Variants in ROBO2 observed in about 807,000 individuals in gnomAD.
ROBO2 encodes roundabout homolog 2.
ROBO2 carries 53 observed loss-of-function variants against 160.8 expected under a neutral mutation model. The observed-to-expected ratio is 0.33, with a 90% confidence interval of 0.26 to 0.41. ROBO2 has a LOEUF of 0.41. Ranked by LOEUF, ROBO2 falls within the 10% of genes least tolerant of loss-of-function variation. The probability of loss-of-function intolerance (pLI) is 1.00; values close to 1 mark genes in which losing one functional copy is unlikely to be tolerated. For synonymous variants in ROBO2, 664 were observed against 611.7 expected, an observed-to-expected ratio of 1.09 and a Z score of -1.26; for missense variants, 1,577 against 1,722.4, an observed-to-expected ratio of 0.92 and a Z score of 1.49.
At chr3:76,617,703 G>C (rs2088706679) in intron 2 of ROBO2, among the ~76,000 whole-genome samples, 1 of 152,040 alleles carries the variant, frequency 6.6e-6, no homozygotes. Flanking sequence ...TAGACCACCT[G>C]TATTAGTCTG....
At chr3:77,104,690 T>C (rs551340269) in intron 2 of ROBO2, among the ~76,000 whole-genome samples, 1 of 152,150 alleles carries the variant, frequency 6.6e-6, no homozygotes, top group African/African-American at 2.4e-5. Flanking sequence ...TATTTACTGG[T>C]GCATTGAAGT....
At chr3:76,602,926 C>T (rs1279296986) in intron 2 of ROBO2, among the ~76,000 whole-genome samples, 1 of 152,208 alleles carries the variant, frequency 6.6e-6, no homozygotes, top group East Asian at 1.9e-4. Context: ...ATTAAAGAGA[C>T]ATTTTTCCTC....
chr3:76,779,515 C>T (rs1172187432), intron 2 of ROBO2, among the ~76,000 whole-genome samples: 1 of 150,874 alleles, frequency 6.6e-6, no homozygotes, highest in Admixed American at 6.6e-5. Flanking sequence ...TTTTTCCCTC[C>T]CCAAGCACCT....
intron 2 of ROBO2, among the ~76,000 whole-genome samples, chr3:76,349,423 CAAG>C (rs1023623983): frequency 6.6e-6 from 1 of 152,030 alleles, no homozygotes; most frequent in African/African-American, 2.4e-5. Flanking sequence ...TCCTAAGACA[CAAG>C]AAGAACACCA....
intron 2 of ROBO2, among the ~76,000 whole-genome samples, chr3:77,466,533 T>C (rs1008870175): frequency 6.6e-6 from 1 of 152,132 alleles, no homozygotes; most frequent in Non-Finnish European, 1.5e-5. Flanking sequence ...CAAAATGTGT[T>C]GTTAAAATAG....
intron 1 of ROBO2, among the ~76,000 whole-genome samples, chr3:77,049,429 A>C (rs1371197350): frequency 6.6e-6 from 1 of 152,200 alleles, no homozygotes; most frequent in East Asian, 1.9e-4. Flanking sequence ...TGCATGTAGC[A>C]TATCTGTGTT....
intron 2 of ROBO2, among the ~76,000 whole-genome samples, chr3:76,569,819 A>G (rs534009014): frequency 6.6e-6 from 1 of 152,302 alleles, no homozygotes; most frequent in Non-Finnish European, 1.5e-5. Flanking sequence ...AAGGACCCAG[A>G]ACAGCATTGA....
intron 2 of ROBO2, among the ~76,000 whole-genome samples, chr3:76,901,842 T>C (rs1038923258): frequency 6.6e-6 from 1 of 151,932 alleles, no homozygotes. Flanking sequence ...TTAGTACAAA[T>C]TTTTATTTTT....
intron 2 of ROBO2, among the ~76,000 whole-genome samples, chr3:76,728,593 T>C (rs2093587656): frequency 6.6e-6 from 1 of 152,188 alleles, no homozygotes. Flanking sequence ...AGAACCATGA[T>C]GCTAAAAACT....
rs758363199 is a variant in ROBO2 at position 77,602,269 on chromosome 3, G to A, written c.2914G>A (p.Ala972Thr). The A allele has an allele frequency of 6.2e-7, 1 of 1,614,150 alleles. No individual in the cohort carries two copies. The highest frequency in any genetic ancestry group is 8.5e-7 in the Non-Finnish European group (1 of 1,180,022). ...AACAGCAACGATGCTCTCAGATGGA[G>A]CCATTTATAGTAGCATTGACTTCAC... The change falls in exon 20 of 26, where the codon GCC (alanine) becomes ACC (threonine). Residue 972 changes from alanine to threonine, a missense_variant. Ala to Thr is a moderately conservative substitution (Grantham distance 58). This residue lies in a region of ROBO2 where 637 missense variants were observed against 586.9 expected (regional missense o/e 1.09). Transcript: ENST00000461745.
intron 2 of ROBO2, among the ~76,000 whole-genome samples, chr3:76,519,630 A>G (rs3849502): frequency 0.64 from 97,801 of 151,940 alleles, 31,721 homozygotes; most frequent in African/African-American, 0.71. Context: ...TCACTTTTGT[A>G]TACCCGGGGA....
chr3:77,353,822 G>A (rs7637808), intron 2 of ROBO2, among the ~76,000 whole-genome samples: 47,504 of 145,442 alleles, frequency 0.33, 7,888 homozygotes, highest in Non-Finnish European at 0.38. Flanking sequence ...GGAACCTTTA[G>A]AAAAAAAATT....
intron 2 of ROBO2, among the ~76,000 whole-genome samples, chr3:76,901,120 TG>T (rs1395152142): frequency 6.6e-6 from 1 of 152,100 alleles, no homozygotes. Flanking sequence ...GTGCCAAGTA[TG>T]AGGGTTAGTA....
intron 2 of ROBO2, among the ~76,000 whole-genome samples, chr3:75,946,424 T>C (rs555820102): frequency 1.8e-4 from 28 of 152,014 alleles, no homozygotes; most frequent in African/African-American, 6.8e-4. Flanking sequence ...TATACTGTAG[T>C]GAGGAGGGAA....
At chr3:77,210,999 T>C (rs2084067790) in intron 2 of ROBO2, among the ~76,000 whole-genome samples, 1 of 152,190 alleles carries the variant, frequency 6.6e-6, no homozygotes, top group South Asian at 2.1e-4. Flanking sequence ...TGTTGGACAT[T>C]TGGGTTGGTT....
At chr3:77,292,614 A>G (rs1350065417) in intron 2 of ROBO2, among the ~76,000 whole-genome samples, 5 of 151,576 alleles carry the variant, frequency 3.3e-5, no homozygotes, top group African/African-American at 9.7e-5. Context: ...GACATAAAGT[A>G]AAATTGATGG....
At chr3:76,653,645 C>T (rs1028598388) in intron 2 of ROBO2, among the ~76,000 whole-genome samples, 6 of 151,810 alleles carry the variant, frequency 4.0e-5, no homozygotes, top group East Asian at 1.9e-4. Flanking sequence ...ATATAAAAAT[C>T]GAGGCGTTCA....
chr3:76,532,808 C>A (rs186333423), intron 2 of ROBO2, among the ~76,000 whole-genome samples: 1 of 152,294 alleles, frequency 6.6e-6, no homozygotes, highest in Admixed American at 6.5e-5. Flanking sequence ...GAAACCTGTT[C>A]TCATGCTACC....
chr3:77,640,697 G>A (rs1223130589), intron 24 of ROBO2, among the ~76,000 whole-genome samples: 1 of 152,146 alleles, frequency 6.6e-6, no homozygotes, highest in Non-Finnish European at 1.5e-5. Context: ...TGATTTAGTG[G>A]AAATGAATCA....
Sources: gnomAD v4.1 joint callset for allele counts (sites outside exome capture counted in the v4.1 genomes callset) on GRCh38, gnomAD v4.1.1 for gene constraint, gnomAD v4.1.1 regional missense constraint, MANE v1.5 for transcripts, NCBI Gene and HGNC (gene_info 2026-07-23, HGNC 2026-07-21) for gene names.